CAMK1D: variants seen among roughly 807,000 people sequenced by gnomAD.
The protein encoded by CAMK1D is calcium/calmodulin-dependent protein kinase type 1D.
In CAMK1D, 9 loss-of-function variants were observed where a neutral mutation model predicts 47.7. The observed-to-expected ratio is 0.19, with a 90% CI of 0.11 to 0.33. CAMK1D has a LOEUF of 0.33. Ranked by LOEUF, CAMK1D falls within the 10% of genes least tolerant of loss-of-function variation. The pLI is 1.00. For synonymous variants in CAMK1D, 184 were observed against 184.9 expected (o/e 0.99, Z 0.04); for missense variants, 291 against 488.7 (o/e 0.60, Z 3.81).
intron 3 of CAMK1D, among the ~76,000 whole-genome samples, chr10:12,753,002 T>C (rs1836059479): frequency 1.3e-5 from 2 of 152,168 alleles, no homozygotes; most frequent in Admixed American, 1.3e-4. Context: ...TCCCAGCACT[T>C]TGGGAGGCTG....
In CAMK1D at chr10:12,722,250, C is replaced by T. The variant is rs199897525; in HGVS notation, c.300-38698C>T. On this transcript the variant is annotated intron_variant, in intron 3 of 10. Transcript: ENST00000619168. ...CGAAGTCTGGAGATCGAGACCATCC[C>T]GGGGATAACACAGTGAAACCCCATC... Among the ~76,000 whole-genome samples, 3 of 151,708 alleles carry T rather than the reference C, an allele frequency of 2.0e-5. No homozygotes were observed. The East Asian group carries it at 5.8e-4, about 29-fold the overall frequency.
intron 3 of CAMK1D, among the ~76,000 whole-genome samples, chr10:12,667,947 T>G (rs892603206): frequency 1.3e-5 from 2 of 152,244 alleles, no homozygotes; most frequent in African/African-American, 4.8e-5. Context: ...GAAGCATATG[T>G]ATGATTTCTC....
intron 1 of CAMK1D, among the ~76,000 whole-genome samples, chr10:12,523,767 G>A (rs1250800927): frequency 6.6e-6 from 1 of 152,140 alleles, no homozygotes; most frequent in Non-Finnish European, 1.5e-5. Flanking sequence ...GTGGGGAGAG[G>A]GAGAGGGAGA....
At chr10:12,699,668 A>ATT (rs150137133) in intron 3 of CAMK1D, among the ~76,000 whole-genome samples, 2 of 148,494 alleles carry the variant, frequency 1.3e-5, no homozygotes, top group African/African-American at 5.0e-5. Flanking sequence ...AAACAAGATG[A>ATT]TTTTTTTTTT....
chr10:12,436,990 A>G (rs1311486962), intron 1 of CAMK1D, among the ~76,000 whole-genome samples: 1 of 152,136 alleles, frequency 6.6e-6, no homozygotes, highest in African/African-American at 2.4e-5. Flanking sequence ...GGTGGGCACA[A>G]ATTTCCCAGT....
chr10:12,460,355 G>C (rs1303110339), intron 1 of CAMK1D, among the ~76,000 whole-genome samples: 2 of 151,806 alleles, frequency 1.3e-5, no homozygotes, highest in Non-Finnish European at 2.9e-5. Context: ...TGAACTCCTG[G>C]GCTCAAGCGA....
At chr10:12,411,528 A>G (rs900009579) in intron 1 of CAMK1D, among the ~76,000 whole-genome samples, 3 of 152,178 alleles carry the variant, frequency 2.0e-5, no homozygotes, top group African/African-American at 7.2e-5. Context: ...GCCGATGGAA[A>G]AAAAAATGGG....
intron 3 of CAMK1D, among the ~76,000 whole-genome samples, chr10:12,750,693 G>GATGA (rs908049587): frequency 2.8e-4 from 42 of 151,786 alleles, no homozygotes; most frequent in African/African-American, 8.7e-4. Context: ...ATGAATGAAT[G>GATGA]ATGAATGAAT....
intron 3 of CAMK1D, among the ~76,000 whole-genome samples, chr10:12,673,324 G>A (rs1289749261): frequency 1.3e-5 from 2 of 151,944 alleles, no homozygotes; most frequent in Non-Finnish European, 2.9e-5. Flanking sequence ...GTTTTTTATT[G>A]CTCTCAGTGA....
At chr10:12,563,730 C>T (rs1348698469) in intron 2 of CAMK1D, among the ~76,000 whole-genome samples, 1 of 140,074 alleles carries the variant, frequency 7.1e-6, no homozygotes, top group South Asian at 2.3e-4. Context: ...AATGAGGATT[C>T]CTTTATGGCA....
At chr10:12,434,402 G>A (rs1192026651) in intron 1 of CAMK1D, among the ~76,000 whole-genome samples, 1 of 152,092 alleles carries the variant, frequency 6.6e-6, no homozygotes, top group Non-Finnish European at 1.5e-5. Flanking sequence ...GGGGTCTGGC[G>A]CTGAGCCTTG....
intron 2 of CAMK1D, among the ~76,000 whole-genome samples, chr10:12,605,083 T>C (rs1838412411): frequency 6.6e-6 from 1 of 152,060 alleles, no homozygotes; most frequent in South Asian, 2.1e-4. Context: ...GAGACGGGGT[T>C]TCACCATGTT....
intron 2 of CAMK1D, among the ~76,000 whole-genome samples, chr10:12,629,984 A>G (rs1839329547): frequency 6.6e-6 from 1 of 152,182 alleles, no homozygotes; most frequent in African/African-American, 2.4e-5. Flanking sequence ...TCTCTGAGAG[A>G]TGGTCTGTTC....
chr10:12,584,747 G>A (rs1837765847), intron 2 of CAMK1D, among the ~76,000 whole-genome samples: 1 of 152,102 alleles, frequency 6.6e-6, no homozygotes, highest in Admixed American at 6.6e-5. Flanking sequence ...TTGAGCCCGG[G>A]AGGTCAAAGC....
At position 12,791,670 on chromosome 10, in the gene CAMK1D, A is replaced by C. The variant is rs565465228; in HGVS notation, c.641+437A>C. Among the ~76,000 whole-genome samples the C allele has an allele frequency of 1.8e-3, 221 of 121,076 alleles. 1 individual carries two copies. The highest frequency in any genetic ancestry group is 6.3e-3 in the African/African-American group (204 of 32,552). The allele number at this position is 121,076 out of a possible 152,430, so 79.4% of individuals were successfully genotyped here. On this transcript the variant is annotated intron_variant, in intron 6 of 10. Coordinates refer to ENST00000619168, the MANE Select transcript of CAMK1D (RefSeq NM_153498.4). Reference sequence around the variant, plus strand: ...GGGTCAGAATTTCCTTTCATTTTAAAAACTGAGTATATTCCGTTGTGTGGA... The same window carrying C: ...GGGTCAGAATTTCCTTTCATTTTAACAACTGAGTATATTCCGTTGTGTGGA...
intron 1 of CAMK1D, among the ~76,000 whole-genome samples, chr10:12,490,965 A>G (rs1834365808): frequency 6.6e-6 from 1 of 152,210 alleles, no homozygotes; most frequent in South Asian, 2.1e-4. Context: ...TAAAATGTTA[A>G]TGGAACAAAA....
intron 3 of CAMK1D, among the ~76,000 whole-genome samples, chr10:12,736,866 T>C (rs1450836287): frequency 6.6e-6 from 1 of 152,182 alleles, no homozygotes; most frequent in Non-Finnish European, 1.5e-5. Context: ...AGCCCCTGCG[T>C]TTCTCTCTCC....
rs6143785 is a variant in CAMK1D, at chr10:12,830,965, A to ACACACACACACACACACACACACACACAC, written c.*2078_*2079insCACACACACACACACACACACACACACAC. On this transcript the variant is annotated 3_prime_UTR_variant, in exon 11 of 11. Coordinates refer to ENST00000619168, the MANE Select transcript of CAMK1D (RefSeq NM_153498.4). The stretch of plus-strand genomic sequence containing the variant: ...CACACACACACACACACACACACAC[A>ACACACACACACACACACACACACACACAC]ATGTTATTAGGCACAGCAGCTCCAT... 2 of 117,634 alleles carry ACACACACACACACACACACACACACACAC rather than the reference A, an allele frequency of 1.7e-5. No individual in the cohort carries two copies. The highest frequency in any genetic ancestry group is 6.8e-5 in the African/African-American group (2 of 29,290). The allele number at this position is 117,634 out of a possible 1,614,324, so 7.3% of individuals were successfully genotyped here.
intron 1 of CAMK1D, among the ~76,000 whole-genome samples, chr10:12,493,754 A>G (rs1290799653): frequency 1.3e-5 from 2 of 152,126 alleles, no homozygotes; most frequent in Non-Finnish European, 2.9e-5. Context: ...TCAACCTCCC[A>G]AAGTGCTGGG....
Sources: gnomAD v4.1 joint callset for allele counts (sites outside exome capture counted in the v4.1 genomes callset) on GRCh38, gnomAD v4.1.1 for gene constraint, MANE v1.5 for transcripts, NCBI Gene and HGNC (gene_info 2026-07-23, HGNC 2026-07-21) for gene names.